Variants in BLTP3B observed in about 807,000 individuals in gnomAD.
BLTP3B encodes UHRF1 (ICBP90) binding protein 1-like.
At chr12:100,063,425 G>T in the BLTP3B span, among the ~76,000 whole-genome samples, 1 of 152,210 alleles carries the variant, frequency 6.6e-6, no homozygotes, top group South Asian at 2.1e-4. Flanking sequence ...GGAGAATACC[G>T]GCCAGGCACA....
At chr12:100,142,731 G>A in the BLTP3B span, 2 of 1,518,098 alleles carry the variant, frequency 1.3e-6, no homozygotes, top group Non-Finnish European at 8.8e-7. Flanking sequence ...CCCGGCCGGC[G>A]GAGAGGCGCT....
At chr12:100,052,410 C>T in the BLTP3B span, among the ~76,000 whole-genome samples, 4 of 151,692 alleles carry the variant, frequency 2.6e-5, no homozygotes, top group African/African-American at 9.7e-5. Flanking sequence ...AAAAGACACT[C>T]TGAAAAACAC....
At chr12:100,084,882 C>G in the BLTP3B span, among the ~76,000 whole-genome samples, 1 of 152,024 alleles carries the variant, frequency 6.6e-6, no homozygotes, top group Non-Finnish European at 1.5e-5. Context: ...CTATCTAGTA[C>G]CCATTCTTAG....
chr12:100,124,936 TTATATATATATATATA>T, the BLTP3B span, among the ~76,000 whole-genome samples: 605 of 56,542 alleles, frequency 0.011, 23 homozygotes, highest in South Asian at 0.16. Flanking sequence ...AAAAAAAATT[TTATATATATATATATA>T]TATATATATA....
chr12:100,045,774 C>G, the BLTP3B span, among the ~76,000 whole-genome samples: 358 of 152,268 alleles, frequency 2.4e-3, 2 homozygotes, highest in African/African-American at 8.1e-3. Flanking sequence ...AATAAACTAT[C>G]ATCAGAGTGA....
the BLTP3B span, among the ~76,000 whole-genome samples, chr12:100,089,839 A>C: frequency 6.6e-6 from 1 of 152,170 alleles, no homozygotes. Context: ...TAGTCCCACA[A>C]TTCCCACGTG....
chr12:100,060,377 T>C, the BLTP3B span, among the ~76,000 whole-genome samples: 8 of 152,244 alleles, frequency 5.3e-5, no homozygotes, highest in East Asian at 1.5e-3. Context: ...TTTCCTAAGG[T>C]TGTATTTACC....
At chr12:100,044,084 T>C in the BLTP3B span, among the ~76,000 whole-genome samples, 1 of 152,244 alleles carries the variant, frequency 6.6e-6, no homozygotes, top group South Asian at 2.1e-4. Context: ...TGTTTGTTTG[T>C]TTTGTTTTGT....
chr12:100,084,380 A>T, the BLTP3B span: 92 of 4,596 alleles, frequency 0.02, no homozygotes, highest in South Asian at 0.097. Flanking sequence ...TACTATGATC[A>T]CACACACACA....
the BLTP3B span, chr12:100,059,844 T>G: frequency 6.2e-7 from 1 of 1,604,532 alleles, no homozygotes; most frequent in Non-Finnish European, 8.5e-7. Flanking sequence ...CTTGTTTGTA[T>G]GATACCTTTA....
chr12:100,072,630 T>C, the BLTP3B span: 7 of 1,421,344 alleles, frequency 4.9e-6, no homozygotes, highest in African/African-American at 5.9e-5. Flanking sequence ...AAAAAAATAC[T>C]TTCTCAAATA....
the BLTP3B span, among the ~76,000 whole-genome samples, chr12:100,062,721 G>A: frequency 3.3e-5 from 5 of 152,162 alleles, no homozygotes; most frequent in African/African-American, 1.2e-4. Flanking sequence ...CAGCGCTTTG[G>A]GAGGCCAAAG....
chr12:100,044,255 T>C, the BLTP3B span, among the ~76,000 whole-genome samples: 1 of 152,172 alleles, frequency 6.6e-6, no homozygotes, highest in Admixed American at 6.5e-5. Context: ...TTCTCCTATG[T>C]CTGTCTCCAG....
At chr12:100,052,263 G>A in the BLTP3B span, among the ~76,000 whole-genome samples, 128 of 151,884 alleles carry the variant, frequency 8.4e-4, 1 homozygote, top group African/African-American at 2.6e-3. Flanking sequence ...GGGTGGTCTC[G>A]AACTCCTGAC....
chr12:100,057,128 A>G, the BLTP3B span, among the ~76,000 whole-genome samples: 3 of 152,238 alleles, frequency 2.0e-5, no homozygotes, highest in Non-Finnish European at 4.4e-5. Flanking sequence ...ATGCAAATTA[A>G]GCCCACCTAA....
the BLTP3B span, among the ~76,000 whole-genome samples, chr12:100,112,770 G>A: frequency 1.3e-5 from 2 of 149,862 alleles, no homozygotes; most frequent in East Asian, 3.9e-4. Context: ...TGAGGCAGGA[G>A]AATTGCCTGA....
the BLTP3B span, among the ~76,000 whole-genome samples, chr12:100,100,609 G>A: frequency 6.6e-6 from 1 of 152,020 alleles, no homozygotes; most frequent in Non-Finnish European, 1.5e-5. Context: ...CTACTTGGGA[G>A]GCTGAGGTGG....
At chr12:100,059,535 T>G in the BLTP3B span, 2 of 1,572,096 alleles carry the variant, frequency 1.3e-6, no homozygotes, top group Non-Finnish European at 1.7e-6. Flanking sequence ...AATGACAAAC[T>G]AGAAGAGAAG....
chr12:100,120,675 G>T, the BLTP3B span, among the ~76,000 whole-genome samples: 1 of 152,114 alleles, frequency 6.6e-6, no homozygotes, highest in Non-Finnish European at 1.5e-5. Context: ...TTTGGAATTT[G>T]TTTTTAAAGT....
Sources: gnomAD v4.1 joint callset for allele counts (sites outside exome capture counted in the v4.1 genomes callset) on GRCh38, gnomAD v4.1.1 for gene constraint, MANE v1.5 for transcripts, NCBI Gene and HGNC (gene_info 2026-07-23, HGNC 2026-07-21) for gene names.